Variants in PELP1 observed in about 807,000 individuals in gnomAD.
PELP1 encodes the protein proline, glutamate and leucine rich protein 1.
In PELP1, 32 loss-of-function variants were observed where a neutral mutation model predicts 95.5. The observed-to-expected ratio is 0.34, with a 90% CI of 0.25 to 0.45. The LOEUF is 0.45. Ranked by LOEUF, PELP1 falls within the 20% of genes least tolerant of loss-of-function variation. The pLI, the probability that PELP1 is intolerant of heterozygous loss-of-function variation, is 1.00. For synonymous variants in PELP1, 668 were observed against 600.1 expected (o/e 1.11, Z -1.65); for missense variants, 1,358 against 1,444.8 (o/e 0.94, Z 0.97).
intron 1 of PELP1, among the ~76,000 whole-genome samples, chr17:4,695,381 G>A (rs1913259437): frequency 6.6e-6 from 1 of 151,822 alleles, no homozygotes; most frequent in African/African-American, 2.4e-5. Context: ...TCTCAATAAA[G>A]CTGTTTTGGC....
Position 4,691,098 on chromosome 17 carries a change from ATCCACTGTGGTT to A in PELP1, c.315-117_315-106del, listed in dbSNP as rs966902730. 3 of 819,810 alleles carry A rather than the reference ATCCACTGTGGTT, an allele frequency of 3.7e-6. No individual in the cohort carries two copies. In the African/African-American group the frequency reaches 5.1e-5, roughly 14 times the overall value. The allele number at this position is 819,810 out of a possible 1,614,324, so 50.8% of individuals were successfully genotyped here. ...GGCTACAGCAAGACTTCATCCCCAG[ATCCACTGTGGTT>A]TCCAACTCCTGAAATACTTGGAATG... On this transcript the variant is annotated intron_variant, in intron 2 of 16. Coordinates refer to ENST00000572293, the MANE Select transcript of PELP1 (RefSeq NM_014389.3).
At chr17:4,680,189 AATGGCAC>A (rs1912637745) in intron 5 of PELP1, among the ~76,000 whole-genome samples, 1 of 152,214 alleles carries the variant, frequency 6.6e-6, no homozygotes, top group African/African-American at 2.4e-5. Flanking sequence ...CAGGAGAGTG[AATGGCAC>A]AGTGGGCACC....
intron 1 of PELP1, among the ~76,000 whole-genome samples, chr17:4,698,529 C>G (rs1289859180): frequency 6.7e-6 from 1 of 150,064 alleles, no homozygotes; most frequent in Non-Finnish European, 1.5e-5. Context: ...GTAATCCCAG[C>G]TACTTGGGAG....
chr17:4,685,648 C>T (rs1439054291), intron 3 of PELP1, among the ~76,000 whole-genome samples: 2 of 150,096 alleles, frequency 1.3e-5, no homozygotes, highest in African/African-American at 4.9e-5. Context: ...TTTTAATTAG[C>T]GGGGGGTGGT....
In PELP1 at chr17:4,703,917, A is replaced by C. The variant is rs1458761158; in HGVS notation, c.195T>G (p.His65Gln). ...GCAATAGGCACATGAGCCCGGGCAA[A>C]TGTGGGGCCGAGCGGTTTGGGGGAT... is the stretch of plus-strand genomic sequence containing the variant. ...PVHPPNRSAP[H>Q]LPGLMCLLRL... The change falls in exon 1 of 17, where the codon CAT (histidine) becomes CAG (glutamine). Residue 65 changes from histidine to glutamine, a missense_variant. By Grantham distance (24) the His-to-Gln change is conservative. Transcript: ENST00000572293. The C allele has an allele frequency of 6.2e-7, 1 of 1,613,486 alleles. No homozygotes were observed. The highest frequency in any genetic ancestry group is 8.5e-7 in the Non-Finnish European group (1 of 1,179,696).
chr17:4,692,324 G>A (rs915682156), intron 1 of PELP1, among the ~76,000 whole-genome samples: 8 of 151,772 alleles, frequency 5.3e-5, no homozygotes, highest in Admixed American at 2.6e-4. Flanking sequence ...AAAATTAGCC[G>A]GGCATGGTGG....
chr17:4,684,533 C>T (rs962436350), intron 3 of PELP1, among the ~76,000 whole-genome samples: 4 of 152,286 alleles, frequency 2.6e-5, no homozygotes, highest in East Asian at 1.9e-4. Context: ...ACAGTCCCTC[C>T]GCTGTGCTTT....
At chr17:4,702,834 A>T (rs1487242558) in intron 1 of PELP1, among the ~76,000 whole-genome samples, 1 of 152,064 alleles carries the variant, frequency 6.6e-6, no homozygotes, top group African/African-American at 2.4e-5. Context: ...AAGATAGGAG[A>T]TTGTTATAAG....
chr17:4,679,551 T>C (rs138959145), intron 5 of PELP1, among the ~76,000 whole-genome samples: 2 of 152,332 alleles, frequency 1.3e-5, no homozygotes, highest in African/African-American at 4.8e-5. Flanking sequence ...TAGATAAAGA[T>C]AATACCTAAC....
In PELP1 at chr17:4,673,470, A is replaced by C; in HGVS notation, c.1639-14T>G. On this transcript the variant is annotated splice_polypyrimidine_tract_variant and intron_variant, in intron 14 of 16. Coordinates refer to ENST00000572293, the MANE Select transcript of PELP1 (RefSeq NM_014389.3). The surrounding 1 kb of genome is among the most constrained non-coding windows in gnomAD (Gnocchi z 5.7). ...GTCATGCAGTCTCTGAAAAGGACAG[A>C]GCACACCTGGAAACATCCCCAAGAC... The C allele has an allele frequency of 6.3e-7, 1 of 1,585,084 alleles. No homozygotes were observed. Among genetic ancestry groups the C allele is most frequent in the Non-Finnish European group, 8.6e-7 (1 of 1,164,428 alleles).
intron 1 of PELP1, among the ~76,000 whole-genome samples, chr17:4,693,472 G>A (rs1423016974): frequency 6.6e-6 from 1 of 152,190 alleles, no homozygotes; most frequent in Non-Finnish European, 1.5e-5. Context: ...GTTAGGCACA[G>A]TAAGAGATTA....
chr17:4,703,743 C>G, intron 1 of PELP1, 120 bp downstream of exon 1: 1 of 812,430 alleles, frequency 1.2e-6, no homozygotes, highest in Non-Finnish European at 1.9e-6. Flanking sequence ...GATCCCCTTT[C>G]TGCCCGCAGC....
At chr17:4,696,209 G>A (rs1331750574) in intron 1 of PELP1, among the ~76,000 whole-genome samples, 1 of 152,122 alleles carries the variant, frequency 6.6e-6, no homozygotes, top group Admixed American at 6.5e-5. Flanking sequence ...GAGGGCACCT[G>A]TGGTCACAGC....
intron 5 of PELP1, 117 bp from the exon 6 acceptor site, chr17:4,676,929 C>G: frequency 1.4e-6 from 1 of 739,506 alleles, no homozygotes; most frequent in Non-Finnish European, 2.3e-6. Flanking sequence ...CCTGTAGACA[C>G]AAGAAGCAAA....
chr17:4,701,191 TTATAAG>T (rs773817161), intron 1 of PELP1, among the ~76,000 whole-genome samples: 17 of 151,630 alleles, frequency 1.1e-4, no homozygotes, highest in Non-Finnish European at 2.1e-4. Context: ...GGGAGAGAGG[TTATAAG>T]TATATGTGAA....
chr17:4,699,748 A>T (rs192724495), intron 1 of PELP1, among the ~76,000 whole-genome samples: 1 of 151,560 alleles, frequency 6.6e-6, no homozygotes, highest in East Asian at 2.0e-4. Context: ...CACCACGCCC[A>T]GCTAATTTTT....
rs750980333 is a variant in PELP1, at chr17:4,690,926, A to C, written c.382T>G (p.Cys128Gly). The stretch of plus-strand genomic sequence containing the variant: ...TGAATGCTCCGAAGCCAAGACACAC[A>C]GTGCTGCTGGAATAGCTCTGTGGGG... The part of the protein sequence containing the change: ...ESPTELFQQH[C>G]VSWLRSIQQV... The change falls in exon 3 of 17, where the codon TGT becomes GGT. Residue 128 changes from cysteine (C) to glycine (G), a missense_variant. Cys to Gly is a radical substitution (Grantham distance 159). Transcript: ENST00000572293. The C allele has an allele frequency of 1.2e-5, 20 of 1,613,742 alleles. No individual in the cohort carries two copies. Among genetic ancestry groups the C allele is most frequent in the Non-Finnish European group, 1.7e-5 (20 of 1,179,772 alleles).
At position 4,673,047 on chromosome 17, in the gene PELP1, A is replaced by G; in HGVS notation, c.1944T>C (p.Pro648=). ...LQPMGPTCPT[P]APVPPPEAPS... ...GGGCCTCAGGAGGGGGAACTGGAGC[A>G]GGTGTGGGGCAGGTGGGGCCCATGG... Residue 648 remains proline, a synonymous_variant, in exon 16 of 17, where the codon CCT becomes CCC. Transcript: ENST00000572293. This position sits in a 1 kb window ranked among gnomAD's most constrained non-coding sequence, Gnocchi z 5.7. The G allele has an allele frequency of 6.5e-7, 1 of 1,528,498 alleles. No individual in the cohort carries two copies. The allele number at this position is 1,528,498 out of a possible 1,614,324, so 94.7% of individuals were successfully genotyped here. A position where few individuals can be genotyped will look rare whatever the true frequency, so the allele number is the denominator to read the frequency against.
intron 1 of PELP1, among the ~76,000 whole-genome samples, chr17:4,703,196 A>T (rs758255231): frequency 5.9e-5 from 9 of 152,044 alleles, no homozygotes; most frequent in Non-Finnish European, 1.3e-4. Context: ...TCCCCTCCAC[A>T]TCTGAGCCCC....
Sources: allele counts gnomAD v4.1 joint callset (sites outside exome capture counted in the v4.1 genomes callset), GRCh38; gene constraint gnomAD v4.1.1; non-coding constraint Gnocchi (gnomAD v3.1); transcripts MANE v1.5; gene names NCBI Gene and HGNC (gene_info 2026-07-23, HGNC 2026-07-21).